The following ANKRD62 variants were observed in gnomAD, a reference collection of about 807,000 sequenced individuals.
ANKRD62 encodes ankyrin repeat domain-containing protein 62.
In ANKRD62, 61 loss-of-function variants were observed where a neutral mutation model predicts 98.8. The ratio of observed to expected loss-of-function variants is 0.62; its 90% CI spans 0.50 to 0.76. ANKRD62 has a LOEUF of 0.76. Among genes scored for constraint, ANKRD62 ranks in the 30% least tolerant of loss-of-function variants. The probability of loss-of-function intolerance (pLI) is 0.00; values close to 1 mark genes in which losing one functional copy is unlikely to be tolerated. For missense variants in ANKRD62, 933 were observed against 1,082.9 expected (o/e 0.86, Z 1.94); for synonymous variants, 341 against 367.9 (o/e 0.93, Z 0.84).
the ANKRD62 span, among the ~76,000 whole-genome samples, chr18:12,136,121 G>T: frequency 3.9e-5 from 6 of 152,100 alleles, no homozygotes; most frequent in East Asian, 3.9e-4. Flanking sequence ...CCTTGCCCAT[G>T]CCTATGTCCT....
chr18:12,166,674 G>C, the ANKRD62 span, among the ~76,000 whole-genome samples: 1,592 of 151,980 alleles, frequency 0.01, 22 homozygotes, highest in African/African-American at 0.036. Context: ...TTTCCTAAAT[G>C]GTCTTGATAC....
chr18:12,102,563 A>C (rs1287002199), intron 6 of ANKRD62: 1 of 346,464 alleles, frequency 2.9e-6, no homozygotes, highest in Non-Finnish European at 5.0e-6. Context: ...TGAAACCTTA[A>C]CTGCATGTTT....
chr18:12,152,082 CAA>C, the ANKRD62 span, among the ~76,000 whole-genome samples: 4 of 99,828 alleles, frequency 4.0e-5, no homozygotes, highest in East Asian at 3.1e-4. Context: ...AATAAGCTAC[CAA>C]AAAAAAAAAA....
At chr18:12,131,718 A>AGAGT (rs1043948460), downstream of ANKRD62, among the ~76,000 whole-genome samples, 1 of 145,524 alleles carries the variant, frequency 6.9e-6, no homozygotes, top group South Asian at 2.2e-4. Context: ...AGAGAGAGAG[A>AGAGT]GAGTGTGTGT....
the ANKRD62 span, among the ~76,000 whole-genome samples, chr18:12,154,003 C>G: frequency 6.6e-6 from 1 of 152,038 alleles, no homozygotes; most frequent in Non-Finnish European, 1.5e-5. Flanking sequence ...TATAAAAATC[C>G]CGGAAGACAA....
chr18:12,152,592 A>C, the ANKRD62 span, among the ~76,000 whole-genome samples: 1 of 152,240 alleles, frequency 6.6e-6, no homozygotes, highest in East Asian at 1.9e-4. Context: ...TGAAATAATA[A>C]GAGCTATTCA....
At chr18:12,135,027 A>G in the ANKRD62 span, among the ~76,000 whole-genome samples, 3 of 151,290 alleles carry the variant, frequency 2.0e-5, no homozygotes, top group African/African-American at 2.4e-5. Context: ...CATCCTCTCC[A>G]GCACCTGTTG....
At chr18:12,122,175 A>C in intron 10 of ANKRD62, 128 bp from the exon 11 acceptor site, 1 of 626,496 alleles carries the variant, frequency 1.6e-6, no homozygotes. Flanking sequence ...TATTTTCCAC[A>C]TTGCAAGCAC....
Position 12,093,972 on chromosome 18 carries a change from G to T in ANKRD62, c.-46G>T. 2 of 1,522,778 alleles carry T rather than the reference G, an allele frequency of 1.3e-6. No homozygotes were observed. Among genetic ancestry groups the T allele is most frequent in the South Asian group, 2.4e-5 (2 of 83,716 alleles). The allele number at this position is 1,522,778 out of a possible 1,614,324, so 94.3% of individuals were successfully genotyped here. A position where few individuals can be genotyped will look rare whatever the true frequency, so the allele number is the denominator to read the frequency against. The stretch of plus-strand genomic sequence containing the variant: ...GCAGAAAACGAGTGGGAGCTGAGGT[G>T]TCTTAAAGCCGTTCCTCAGCCTGGG... On this transcript the variant is annotated 5_prime_UTR_variant, in exon 1 of 14. Coordinates refer to ENST00000587848, the MANE Select transcript of ANKRD62 (RefSeq NM_001277333.2).
downstream of ANKRD62, among the ~76,000 whole-genome samples, chr18:12,134,661 G>A (rs1186527136): frequency 6.6e-6 from 1 of 152,048 alleles, no homozygotes; most frequent in Admixed American, 6.6e-5. Context: ...TGCTGAGAAT[G>A]ATGGTTTCCA....
the ANKRD62 span, among the ~76,000 whole-genome samples, chr18:12,153,484 C>T: frequency 6.6e-6 from 1 of 151,084 alleles, no homozygotes; most frequent in East Asian, 2.0e-4. Context: ...CCCAGCTACT[C>T]AGGAGGCTGA....
the ANKRD62 span, among the ~76,000 whole-genome samples, chr18:12,165,952 C>T: frequency 6.6e-6 from 1 of 151,674 alleles, no homozygotes; most frequent in East Asian, 1.9e-4. Flanking sequence ...TATGTCATAC[C>T]ATTCTCTCCT....
chr18:12,118,572 G>A (rs940679076), intron 10 of ANKRD62, among the ~76,000 whole-genome samples: 5 of 148,388 alleles, frequency 3.4e-5, no homozygotes, highest in South Asian at 4.2e-4. Context: ...TTGTGTCATC[G>A]CACTCCAGTC....
At chr18:12,114,744 T>C (rs1909623317) in intron 8 of ANKRD62, among the ~76,000 whole-genome samples, 2 of 152,140 alleles carry the variant, frequency 1.3e-5, no homozygotes, top group Non-Finnish European at 2.9e-5. Flanking sequence ...TAAAACTTTG[T>C]TTGTATTGAA....
chr18:12,136,365 A>G, the ANKRD62 span, among the ~76,000 whole-genome samples: 1 of 151,984 alleles, frequency 6.6e-6, no homozygotes, highest in Non-Finnish European at 1.5e-5. Flanking sequence ...GATATGTGGC[A>G]TTATTTCTGA....
In ANKRD62 at chr18:12,125,587, A is replaced by C. The variant is rs2143932737; in HGVS notation, c.1766A>C (p.Tyr589Ser). Residue 589 changes from tyrosine to serine, a missense_variant, in exon 13 of 14, where the codon TAT becomes TCT. Around this residue, in one of 3 missense-constraint regions of ANKRD62, gnomAD observed 362 missense variants for 434.5 expected, o/e 0.83. Coordinates refer to ENST00000587848, the MANE Select transcript of ANKRD62 (RefSeq NM_001277333.2). ...CAGAACCAGGAAACTGAAAATAAATATTTCAAAGATATTGAAATTATAAAG... is the reference window on the plus strand; with the variant it reads ...CAGAACCAGGAAACTGAAAATAAATCTTTCAAAGATATTGAAATTATAAAG... Reference protein sequence around the residue: ...KHQNQETENKYFKDIEIIKEN... With the variant: ...KHQNQETENKSFKDIEIIKEN... The C allele has an allele frequency of 2.0e-6, 3 of 1,528,066 alleles. No homozygotes were observed. The East Asian group carries it at 7.3e-5, about 37-fold the overall frequency. 94.7% of individuals were successfully genotyped at this position (1,528,066 alleles called of 1,614,324 possible).
At chr18:12,101,471 T>G (rs1909298147) in intron 6 of ANKRD62, among the ~76,000 whole-genome samples, 1 of 152,216 alleles carries the variant, frequency 6.6e-6, no homozygotes, top group South Asian at 2.1e-4. Context: ...ATGTGAGATA[T>G]CAGCATTTCC....
chr18:12,127,737 C>A lies in ANKRD62; in HGVS notation c.2563-11C>A. 1.5e-6 allele frequency: 2 copies of A among 1,366,984 alleles called. No homozygotes were observed. The highest frequency in any genetic ancestry group is 9.4e-7 in the Non-Finnish European group (1 of 1,065,506). The allele number at this position is 1,366,984 out of a possible 1,614,324, so 84.7% of individuals were successfully genotyped here. A position where few individuals can be genotyped will look rare whatever the true frequency, so the allele number is the denominator to read the frequency against. ...TATGTAAAATCAGTAACAAAAATAA[C>A]ATCTTACCAGGTAGTCAGGAGACAG... is the stretch of plus-strand genomic sequence containing the variant. On this transcript the variant is annotated splice_polypyrimidine_tract_variant and intron_variant, in intron 13 of 13. Transcript: ENST00000587848.
At position 12,097,722 on chromosome 18, in the gene ANKRD62, C is replaced by G; in HGVS notation, c.697C>G (p.Gln233Glu). The change falls in exon 5 of 14, where the codon CAA (glutamine) becomes GAA (glutamate). Residue 233 changes from glutamine to glutamate, a missense_variant. By Grantham distance (29) the Gln-to-Glu change is conservative. Around this residue, in one of 3 missense-constraint regions of ANKRD62, gnomAD observed 549 missense variants for 587.9 expected, o/e 0.93. Coordinates refer to ENST00000587848, the MANE Select transcript of ANKRD62 (RefSeq NM_001277333.2). Reference protein sequence around the residue: ...LLQHNIDVFCQDISGWTAEDY... With the variant: ...LLQHNIDVFCEDISGWTAEDY... ...TCAGCACAATATTGATGTCTTTTGC[C>G]AAGATATATCTGGATGGACTGCAGA... 1 of 1,535,992 alleles carries G rather than the reference C, an allele frequency of 6.5e-7. No homozygotes were observed.
Sources: gnomAD v4.1 joint callset for allele counts (sites outside exome capture counted in the v4.1 genomes callset) on GRCh38, gnomAD v4.1.1 for gene constraint, gnomAD v4.1.1 regional missense constraint, MANE v1.5 for transcripts, NCBI Gene and HGNC (gene_info 2026-07-23, HGNC 2026-07-21) for gene names.